Variants in DCDC2 observed in about 807,000 individuals in gnomAD.
DCDC2 encodes the protein doublecortin domain-containing protein 2.
In DCDC2, 40 loss-of-function variants were observed where a neutral mutation model predicts 50.2. That is an observed-to-expected ratio of 0.80 (90% CI 0.62 to 1.04). The LOEUF (loss-of-function observed/expected upper bound fraction) is 1.04. Ranked by LOEUF, DCDC2 falls within the 50% of genes least tolerant of loss-of-function variation. The pLI is 0.00. For synonymous variants in DCDC2, 234 were observed against 210.6 expected (o/e 1.11, Z -0.96); for missense variants, 570 against 581.9 (o/e 0.98, Z 0.21).
the DCDC2 span, among the ~76,000 whole-genome samples, chr6:24,377,702 C>A: frequency 0.37 from 55,556 of 151,998 alleles, 10,648 homozygotes; most frequent in African/African-American, 0.47. Context: ...ATGTATAGAG[C>A]ATAGGCCGGG....
chr6:24,225,476 A>C (rs531771098), intron 7 of DCDC2, among the ~76,000 whole-genome samples: 85 of 152,254 alleles, frequency 5.6e-4, no homozygotes, highest in Non-Finnish European at 1.1e-3. Context: ...ATGAAGATGG[A>C]TAGAAAGCTC....
chr6:24,376,009 G>C, the DCDC2 span, among the ~76,000 whole-genome samples: 1 of 151,828 alleles, frequency 6.6e-6, no homozygotes, highest in Non-Finnish European at 1.5e-5. Context: ...ATTTTTATGA[G>C]AAACTAAGGC....
At chr6:24,249,720 A>T (rs539336051) in intron 7 of DCDC2, among the ~76,000 whole-genome samples, 1 of 152,196 alleles carries the variant, frequency 6.6e-6, no homozygotes, top group East Asian at 1.9e-4. Flanking sequence ...TCCTAACAGC[A>T]TTTCTCAGGA....
At chr6:24,374,577 C>A in the DCDC2 span, among the ~76,000 whole-genome samples, 32 of 57,458 alleles carry the variant, frequency 5.6e-4, no homozygotes, top group African/African-American at 1.1e-3. Context: ...AGACTCCATC[C>A]AAAAAAAAAA....
rs1760854105 is a variant in DCDC2 at position 24,174,436 on chromosome 6, C to T, written c.*294G>A. ...TAATAAAGCGTACAATAAGAGTGATCCTATTTTTCATCCTTTACAAGTGGC... is the reference window on the plus strand; with the variant it reads ...TAATAAAGCGTACAATAAGAGTGATTCTATTTTTCATCCTTTACAAGTGGC... On this transcript the variant is annotated 3_prime_UTR_variant, in exon 10 of 10. Transcript: ENST00000378454. The T allele has an allele frequency of 5.0e-6, 1 of 200,376 alleles. No homozygotes were observed. The highest frequency in any genetic ancestry group is 5.8e-5 in the Admixed American group (1 of 17,270). 12.4% of individuals were successfully genotyped at this position (200,376 alleles called of 1,614,324 possible).
chr6:24,226,343 G>A (rs1448475916), intron 7 of DCDC2, among the ~76,000 whole-genome samples: 2 of 152,188 alleles, frequency 1.3e-5, no homozygotes, highest in African/African-American at 2.4e-5. Context: ...AGAAAAGAAT[G>A]ATTCTTTCTA....
intron 8 of DCDC2, among the ~76,000 whole-genome samples, chr6:24,184,195 A>G (rs1259434505): frequency 6.6e-6 from 1 of 152,226 alleles, no homozygotes. Flanking sequence ...ACAAGTCGCT[A>G]CAATAAGGAC....
chr6:24,299,245 C>A (rs1322622604), intron 4 of DCDC2, among the ~76,000 whole-genome samples: 1 of 152,224 alleles, frequency 6.6e-6, no homozygotes, highest in Non-Finnish European at 1.5e-5. Flanking sequence ...AACAGAAAAC[C>A]AAATACTACT....
At chr6:24,253,230 TC>T (rs1466752488) in intron 7 of DCDC2, among the ~76,000 whole-genome samples, 1 of 151,566 alleles carries the variant, frequency 6.6e-6, no homozygotes, top group Non-Finnish European at 1.5e-5. Flanking sequence ...TAGAGAAAAA[TC>T]TAAGTCAAAA....
At chr6:24,283,709 C>T (rs1304409441) in intron 6 of DCDC2, among the ~76,000 whole-genome samples, 3 of 152,198 alleles carry the variant, frequency 2.0e-5, no homozygotes, top group African/African-American at 7.2e-5. Flanking sequence ...ATGCATTCTC[C>T]TGGGAACCAA....
intron 2 of DCDC2, among the ~76,000 whole-genome samples, chr6:24,334,642 A>C (rs7742784): frequency 1.8e-3 from 271 of 152,370 alleles, no homozygotes; most frequent in African/African-American, 6.2e-3. Context: ...TAAAGGAAAC[A>C]GAAATTGTGG....
intron 2 of DCDC2, among the ~76,000 whole-genome samples, chr6:24,306,539 TAGATAGACAGAC>T (rs370434430): frequency 0.027 from 2,913 of 108,194 alleles, 30 homozygotes; most frequent in African/African-American, 0.035. Context: ...GATAGATAGA[TAGATAGACAGAC>T]AGACAGACAG....
At chr6:24,180,351 C>G (rs1581570360) in intron 8 of DCDC2, among the ~76,000 whole-genome samples, 1 of 151,982 alleles carries the variant, frequency 6.6e-6, no homozygotes, top group Admixed American at 6.5e-5. Context: ...GTGGTGCGAT[C>G]TCTGCTCACT....
chr6:24,218,675 G>T (rs944114783), intron 7 of DCDC2, among the ~76,000 whole-genome samples: 1 of 152,150 alleles, frequency 6.6e-6, no homozygotes. Context: ...TTTTTGTAGA[G>T]ATGAGGTCTC....
intron 7 of DCDC2, among the ~76,000 whole-genome samples, chr6:24,272,153 GC>G (rs1763252864): frequency 1.3e-5 from 2 of 151,926 alleles, no homozygotes; most frequent in Non-Finnish European, 2.9e-5. Flanking sequence ...CTAGTATTCA[GC>G]CCACTTTTAA....
At chr6:24,194,010 AT>A (rs1451219902) in intron 8 of DCDC2, among the ~76,000 whole-genome samples, 1 of 152,144 alleles carries the variant, frequency 6.6e-6, no homozygotes, top group African/African-American at 2.4e-5. Flanking sequence ...AATTAAAATC[AT>A]TTTTAAAATA....
intron 7 of DCDC2, among the ~76,000 whole-genome samples, chr6:24,231,720 A>C (rs948773478): frequency 6.6e-6 from 1 of 152,112 alleles, no homozygotes; most frequent in Non-Finnish European, 1.5e-5. Context: ...ACAGAACTGT[A>C]ATTATTTATG....
intron 7 of DCDC2, among the ~76,000 whole-genome samples, chr6:24,233,842 G>T (rs565678932): frequency 3.3e-4 from 51 of 152,334 alleles, no homozygotes; most frequent in African/African-American, 1.2e-3. Flanking sequence ...ATATAGGATG[G>T]TGAAATTTAG....
At chr6:24,373,339 G>T in the DCDC2 span, among the ~76,000 whole-genome samples, 2 of 152,168 alleles carry the variant, frequency 1.3e-5, no homozygotes, top group African/African-American at 4.8e-5. Context: ...TCCTGATGTG[G>T]CACCACCATA....
Sources: allele counts gnomAD v4.1 joint callset (sites outside exome capture counted in the v4.1 genomes callset), GRCh38; gene constraint gnomAD v4.1.1; transcripts MANE v1.5; gene names NCBI Gene and HGNC (gene_info 2026-07-23, HGNC 2026-07-21).